Variants in TIAM1 observed in about 807,000 individuals in gnomAD.
TIAM1 encodes rho guanine nucleotide exchange factor TIAM1.
TIAM1 carries 65 observed loss-of-function variants against 163.5 expected under a neutral mutation model. The observed-to-expected ratio is 0.40, with a 90% CI of 0.33 to 0.49. TIAM1 has a LOEUF of 0.49. Among genes scored for constraint, TIAM1 ranks in the 20% least tolerant of loss-of-function variants. The pLI is 0.77. For synonymous variants in TIAM1, 833 were observed against 810.1 expected (o/e 1.03, Z -0.48); for missense variants, 1,789 against 2,044.7 (o/e 0.87, Z 2.41).
chr21:31,457,763 T>C (rs563643182), intron 2 of TIAM1, among the ~76,000 whole-genome samples: 1 of 152,342 alleles, frequency 6.6e-6, no homozygotes, highest in East Asian at 1.9e-4. Context: ...ACTAAGCCAG[T>C]GGATCTCAAC....
At chr21:31,463,962 A>T (rs2147355880) in intron 2 of TIAM1, 1 of 152,354 alleles carries the variant, frequency 6.6e-6, no homozygotes, top group Non-Finnish European at 1.5e-5. Flanking sequence ...CAGGGCGTAT[A>T]TGAAAGTGTA....
At chr21:31,332,009 G>T (rs986586808) in intron 2 of TIAM1, among the ~76,000 whole-genome samples, 17 of 152,132 alleles carry the variant, frequency 1.1e-4, no homozygotes, top group African/African-American at 3.6e-4. Context: ...ACATGCTCCT[G>T]TGTTCTCTTC....
intron 1 of TIAM1, among the ~76,000 whole-genome samples, chr21:31,506,095 GCT>G (rs2047017489): frequency 6.7e-6 from 1 of 150,124 alleles, no homozygotes; most frequent in African/African-American, 2.5e-5. Context: ...TGGAGACAAA[GCT>G]CTGATTACAA....
rs192427010 is a variant in TIAM1, at chr21:31,263,423, A to C, written c.963+2587T>G. On this transcript the variant is annotated intron_variant, in intron 4 of 27. Coordinates refer to ENST00000541036, the MANE Select transcript of TIAM1 (RefSeq NM_001353694.2). ...ATTAAGCTGCCTAAGCAGTGATTTT[A>C]TGAGACACCACCTTTAGATGATCTC... 5.1e-3 allele frequency among the ~76,000 whole-genome samples: 773 copies of C among 152,352 alleles called. 3 individuals are homozygous for C. Among genetic ancestry groups the C allele is most frequent in the African/African-American group, 0.018 (738 of 41,580 alleles).
intron 2 of TIAM1, among the ~76,000 whole-genome samples, chr21:31,463,827 G>T (rs201825933): frequency 7.3e-6 from 1 of 136,660 alleles, no homozygotes; most frequent in Non-Finnish European, 1.6e-5. Flanking sequence ...AAAAAAAAAA[G>T]AATAGGGGGT....
At chr21:31,153,271 G>A (rs368066772) in intron 17 of TIAM1, 137 bp from the exon 18 acceptor site, 39 of 661,566 alleles carry the variant, frequency 5.9e-5, no homozygotes, top group East Asian at 5.8e-4. Context: ...GAAGGCTAAC[G>A]TTAGAGACTT....
chr21:31,148,047 C>T (rs1039558661), intron 19 of TIAM1, among the ~76,000 whole-genome samples: 4 of 127,674 alleles, frequency 3.1e-5, no homozygotes, highest in African/African-American at 1.1e-4. Context: ...TTAAACCATA[C>T]ATAATTGGTA....
At position 31,182,603 on chromosome 21, in the gene TIAM1, G is replaced by C; in HGVS notation, c.2705C>G (p.Ala902Gly). ...CATAGAAGAGTTCAGGGCGTCAGCA[G>C]CACGATTATTGATCTCAAGAATCTC... ...GDEILEINNR[A>G]ADALNSSMLK... Residue 902 changes from alanine (A) to glycine (G), a missense_variant, in exon 15 of 28, where the codon GCT becomes GGT. By Grantham distance (60) the Ala-to-Gly change is moderately conservative. Coordinates refer to ENST00000541036, the MANE Select transcript of TIAM1 (RefSeq NM_001353694.2). 1.2e-6 allele frequency: 2 copies of C among 1,613,494 alleles called. No individual in the cohort carries two copies. Among genetic ancestry groups the C allele is most frequent in the Middle Eastern group, 1.7e-4 (1 of 6,056 alleles).
intron 1 of TIAM1, among the ~76,000 whole-genome samples, chr21:31,520,979 G>GT (rs767133374): frequency 1.5e-4 from 23 of 152,214 alleles, no homozygotes; most frequent in Non-Finnish European, 3.1e-4. Context: ...AATGTCAGGG[G>GT]TTTAGACACA....
chr21:31,307,961 G>A (rs1363931431), intron 2 of TIAM1, among the ~76,000 whole-genome samples: 2 of 152,244 alleles, frequency 1.3e-5, no homozygotes, highest in East Asian at 1.9e-4. Context: ...GGCTGGGTGC[G>A]GCAGCTCACA....
intron 2 of TIAM1, among the ~76,000 whole-genome samples, chr21:31,316,946 G>T (rs532203937): frequency 2.6e-5 from 4 of 152,238 alleles, no homozygotes; most frequent in Non-Finnish European, 4.4e-5. Context: ...AACTCAAATG[G>T]CCAGGGATGT....
intron 2 of TIAM1, among the ~76,000 whole-genome samples, chr21:31,329,677 G>GA (rs2075613792): frequency 6.6e-6 from 1 of 152,172 alleles, no homozygotes; most frequent in African/African-American, 2.4e-5. Context: ...AGCCGCCAGG[G>GA]AAAATCCCAT....
At chr21:31,425,261 C>T (rs1326035386) in intron 2 of TIAM1, among the ~76,000 whole-genome samples, 3 of 152,052 alleles carry the variant, frequency 2.0e-5, no homozygotes, top group Admixed American at 6.5e-5. Context: ...GACTTCACAA[C>T]GGAGAAATCA....
At chr21:31,150,716 G>T (rs868062306) in intron 19 of TIAM1, among the ~76,000 whole-genome samples, 1 of 152,002 alleles carries the variant, frequency 6.6e-6, no homozygotes, top group Non-Finnish European at 1.5e-5. Flanking sequence ...GATTCAAAAA[G>T]GGAAAATTTG....
At chr21:31,349,842 C>T (rs746375909) in intron 2 of TIAM1, among the ~76,000 whole-genome samples, 11 of 152,154 alleles carry the variant, frequency 7.2e-5, no homozygotes, top group Non-Finnish European at 1.3e-4. Flanking sequence ...CTCTGCCTAC[C>T]CTTCGGTAAA....
Position 31,266,224 on chromosome 21 carries a change from C to T in TIAM1, c.749G>A (p.Gly250Glu), listed in dbSNP as rs1171354413. The change falls in exon 4 of 28, where the codon GGG (glycine) becomes GAG (glutamate). Residue 250 changes from glycine to glutamate, a missense_variant. By Grantham distance (98) the Gly-to-Glu change is moderately conservative. Coordinates refer to ENST00000541036, the MANE Select transcript of TIAM1 (RefSeq NM_001353694.2). ...CCGACAGTAGCCTGCAAATTTGCTC[C>T]CCGGCCCCCCGTTTGCTGTCACTCC... ...NSGVTANGGP[G>E]SKFAGYCRNL... 5.0e-6 allele frequency: 8 copies of T among 1,614,052 alleles called. No individual in the cohort carries two copies. The highest frequency in any genetic ancestry group is 6.8e-6 in the Non-Finnish European group (8 of 1,180,056).
chr21:31,369,231 A>AAAAAAAAAAAAAG (rs1314209679), intron 2 of TIAM1, among the ~76,000 whole-genome samples: 5 of 150,244 alleles, frequency 3.3e-5, no homozygotes, highest in African/African-American at 5.0e-5. Flanking sequence ...ATCTCAAAAA[A>AAAAAAAAAAAAAG]AAAGAAAGAA....
At chr21:31,384,462 C>G (rs1309211543) in intron 2 of TIAM1, among the ~76,000 whole-genome samples, 1 of 151,604 alleles carries the variant, frequency 6.6e-6, no homozygotes, top group African/African-American at 2.4e-5. Context: ...GTAGTCCCAG[C>G]TACTCAGTAG....
intron 2 of TIAM1, among the ~76,000 whole-genome samples, chr21:31,337,248 A>T (rs1413462227): frequency 6.6e-6 from 1 of 152,022 alleles, no homozygotes; most frequent in Non-Finnish European, 1.5e-5. Context: ...CCAGGGCAAG[A>T]TAAGACCTCA....
Sources: gnomAD v4.1 joint callset for allele counts (sites outside exome capture counted in the v4.1 genomes callset) on GRCh38, gnomAD v4.1.1 for gene constraint, MANE v1.5 for transcripts, NCBI Gene and HGNC (gene_info 2026-07-23, HGNC 2026-07-21) for gene names.